Variants in GRB14 observed in about 807,000 individuals in gnomAD.
The protein encoded by GRB14 is growth factor receptor bound protein 14, also known as growth factor receptor-bound protein 14.
GRB14 carries 38 observed loss-of-function variants against 69.1 expected under a neutral mutation model. That is an observed-to-expected ratio of 0.55 (90% confidence interval 0.42 to 0.72). GRB14 has a LOEUF of 0.72. GRB14 is among the 30% of genes least tolerant of loss of function. The pLI, the probability that GRB14 is intolerant of heterozygous loss-of-function variation, is 0.00. For missense variants in GRB14, 666 were observed against 666.1 expected, an observed-to-expected ratio of 1.00 and a Z score of 0.00; for synonymous variants, 247 against 241.3, an observed-to-expected ratio of 1.02 and a Z score of -0.22.
chr2:164,562,266 T>G (rs956329325), intron 2 of GRB14, among the ~76,000 whole-genome samples: 3 of 152,216 alleles, frequency 2.0e-5, no homozygotes, highest in Admixed American at 6.5e-5. Flanking sequence ...AGTCCCCGTC[T>G]AATACTCCTT....
chr2:164,598,361 A>T (rs890287431), intron 2 of GRB14, among the ~76,000 whole-genome samples: 2 of 152,204 alleles, frequency 1.3e-5, no homozygotes, highest in Non-Finnish European at 2.9e-5. Flanking sequence ...CAAGCTCCCA[A>T]ATTTACCACA....
intron 1 of GRB14, among the ~76,000 whole-genome samples, chr2:164,620,601 A>G (rs1205980176): frequency 1.3e-5 from 2 of 152,176 alleles, no homozygotes; most frequent in East Asian, 3.9e-4. Flanking sequence ...TTCCGAAAGT[A>G]TGTGCAACTC....
chr2:164,527,194 T>C (rs1263505746), intron 3 of GRB14, 59 bp from the exon 4 acceptor site: 2 of 204,844 alleles, frequency 9.8e-6, no homozygotes, highest in African/African-American at 2.9e-5. Flanking sequence ...TATATATATA[T>C]ATATATATAT....
Position 164,497,408 on chromosome 2 carries a change from A to G in GRB14, c.1187T>C (p.Leu396Pro). The G allele has an allele frequency of 6.2e-7, 1 of 1,613,552 alleles. No individual in the cohort carries two copies. Among genetic ancestry groups the G allele is most frequent in the Non-Finnish European group, 8.5e-7 (1 of 1,179,602 alleles). ...SRVIENPTEA[L>P]SVAVEEGLAW... is the part of the protein sequence containing the mutation. ...GAGTCCTTCTTCAACCGCAACTGAA[A>G]GGGCTTCAGTGGGATTTTCTATAAC... The change falls in exon 10 of 14, where the codon CTT (leucine) becomes CCT (proline). Residue 396 changes from leucine (L) to proline (P), a missense_variant. By Grantham distance (98) the Leu-to-Pro change is moderately conservative. Coordinates refer to ENST00000263915, the MANE Select transcript of GRB14 (RefSeq NM_004490.3).
intron 2 of GRB14, chr2:164,574,185 C>A: frequency 1.7e-6 from 1 of 586,102 alleles, no homozygotes; most frequent in Non-Finnish European, 3.0e-6. Flanking sequence ...CCACCACTAG[C>A]CATTTTTTCC....
intron 2 of GRB14, among the ~76,000 whole-genome samples, chr2:164,567,360 GCCA>G (rs1203248043): frequency 6.6e-6 from 1 of 152,010 alleles, no homozygotes; most frequent in Non-Finnish European, 1.5e-5. Flanking sequence ...AAAAACTATA[GCCA>G]CTTTAACTGT....
At chr2:164,597,992 AGAAGTCCT>A (rs942751402) in intron 2 of GRB14, among the ~76,000 whole-genome samples, 2 of 151,922 alleles carry the variant, frequency 1.3e-5, no homozygotes, top group African/African-American at 4.8e-5. Context: ...TTAACCAACA[AGAAGTCCT>A]GAACCATGCT....
chr2:164,555,509 C>T (rs1688656327), intron 2 of GRB14, among the ~76,000 whole-genome samples: 1 of 151,842 alleles, frequency 6.6e-6, no homozygotes, highest in African/African-American at 2.4e-5. Flanking sequence ...GATATTTGGG[C>T]ATAGTTATCT....
At chr2:164,587,339 G>T (rs1689561818) in intron 2 of GRB14, among the ~76,000 whole-genome samples, 1 of 152,176 alleles carries the variant, frequency 6.6e-6, no homozygotes, top group Admixed American at 6.5e-5. Context: ...GAGCCCCTCA[G>T]TAATCAACAT....
intron 2 of GRB14, among the ~76,000 whole-genome samples, chr2:164,616,840 ATCT>A (rs1012618761): frequency 5.9e-5 from 9 of 152,246 alleles, no homozygotes; most frequent in African/African-American, 2.2e-4. Context: ...GTAAAGAGAC[ATCT>A]TCTCCTATAA....
intron 2 of GRB14, among the ~76,000 whole-genome samples, chr2:164,593,060 A>T (rs1689704978): frequency 6.6e-6 from 1 of 152,232 alleles, no homozygotes; most frequent in African/African-American, 2.4e-5. Flanking sequence ...GCTTTCCTGT[A>T]AAGGCACCAA....
chr2:164,569,918 A>C (rs1330646412), intron 2 of GRB14, among the ~76,000 whole-genome samples: 1 of 152,228 alleles, frequency 6.6e-6, no homozygotes, highest in African/African-American at 2.4e-5. Context: ...GCATTTGTGA[A>C]GTAAAAGATT....
chr2:164,568,480 CAACTAGGAAAGTAATA>C, intron 2 of GRB14: 1 of 1,153,828 alleles, frequency 8.7e-7, no homozygotes, highest in Non-Finnish European at 1.1e-6. Flanking sequence ...TGCAATGAAA[CAACTAGGAAAGTAATA>C]AATGTCACCC....
intron 2 of GRB14, among the ~76,000 whole-genome samples, chr2:164,613,773 C>T (rs1690220737): frequency 6.6e-6 from 1 of 152,128 alleles, no homozygotes. Context: ...CAGGCTGGTT[C>T]ATTTGAGGCT....
At chr2:164,551,853 A>G (rs1304662062) in intron 2 of GRB14, among the ~76,000 whole-genome samples, 4 of 152,106 alleles carry the variant, frequency 2.6e-5, no homozygotes, top group Non-Finnish European at 5.9e-5. Flanking sequence ...GATATTAAGG[A>G]ATATCTGAGG....
chr2:164,509,885 T>C (rs74490424), intron 6 of GRB14, among the ~76,000 whole-genome samples: 4 of 151,896 alleles, frequency 2.6e-5, no homozygotes, highest in East Asian at 1.9e-4. Context: ...GAATCTTTCA[T>C]TGTCATTTAC....
chr2:164,521,126 G>A (rs928542594), intron 6 of GRB14, among the ~76,000 whole-genome samples: 6 of 152,074 alleles, frequency 3.9e-5, no homozygotes, highest in Admixed American at 3.9e-4. Context: ...CAATCAACGA[G>A]TGGATAAAGA....
chr2:164,610,375 T>C (rs1353968089), intron 2 of GRB14, among the ~76,000 whole-genome samples: 1 of 152,130 alleles, frequency 6.6e-6, no homozygotes, highest in South Asian at 2.1e-4. Flanking sequence ...TCACTTATAA[T>C]TATACTATAT....
At chr2:164,543,828 G>A (rs1274186839) in intron 3 of GRB14, among the ~76,000 whole-genome samples, 3 of 152,218 alleles carry the variant, frequency 2.0e-5, no homozygotes, top group Admixed American at 6.5e-5. Flanking sequence ...TAAGCAAAAA[G>A]GCAAAACTAA....
Sources: allele counts gnomAD v4.1 joint callset (sites outside exome capture counted in the v4.1 genomes callset), GRCh38; gene constraint gnomAD v4.1.1; transcripts MANE v1.5; gene names NCBI Gene and HGNC (gene_info 2026-07-23, HGNC 2026-07-21).